The following RGS6 variants were observed in gnomAD, a reference collection of about 807,000 sequenced individuals.
RGS6 encodes regulator of G-protein signaling 6.
Under a neutral mutation model 78.5 loss-of-function variants are expected in RGS6, and 30 were observed. The ratio of observed to expected loss-of-function variants is 0.38; its 90% CI spans 0.29 to 0.52. RGS6 has a LOEUF of 0.52. RGS6 is among the 20% of genes least tolerant of loss of function. The pLI is 0.85. For synonymous variants in RGS6, 206 were observed against 206.0 expected (o/e 1.00, Z 0.00); for missense variants, 495 against 609.7 (o/e 0.81, Z 1.98).
chr14:72,149,760 C>T (rs1567316097), intron 2 of RGS6, among the ~76,000 whole-genome samples: 1 of 152,150 alleles, frequency 6.6e-6, no homozygotes. Context: ...GGTGTCTAGT[C>T]TACAGATTTG....
At chr14:72,264,934 C>A (rs2058782565) in intron 2 of RGS6, among the ~76,000 whole-genome samples, 1 of 152,172 alleles carries the variant, frequency 6.6e-6, no homozygotes, top group Non-Finnish European at 1.5e-5. Flanking sequence ...TGGTGCTTGG[C>A]AGCTGTCCAG....
intron 2 of RGS6, among the ~76,000 whole-genome samples, chr14:72,207,745 A>C (rs543701545): frequency 2.6e-5 from 4 of 152,174 alleles, no homozygotes; most frequent in South Asian, 4.2e-4. Context: ...CACTTCTTCC[A>C]TCTCTTGTTT....
At chr14:71,930,753 C>T (rs570323164), upstream of RGS6, among the ~76,000 whole-genome samples, 344 of 151,712 alleles carry the variant, frequency 2.3e-3, 1 homozygote, top group Non-Finnish European at 3.3e-3. Context: ...GTGGCCAAGG[C>T]GGGTGGATCA....
At chr14:72,538,036 A>T (rs1009861115) in intron 16 of RGS6, among the ~76,000 whole-genome samples, 3 of 152,212 alleles carry the variant, frequency 2.0e-5, no homozygotes, top group African/African-American at 7.2e-5. Context: ...GAAGTAAGGG[A>T]TGTTCTTGAG....
chr14:72,228,370 G>T (rs1459189656), intron 2 of RGS6, among the ~76,000 whole-genome samples: 1 of 151,370 alleles, frequency 6.6e-6, no homozygotes, highest in Non-Finnish European at 1.5e-5. Context: ...AACAGAGCGA[G>T]ACTCTGTCTC....
chr14:72,312,134 TCA>T (rs2068772713), intron 2 of RGS6, among the ~76,000 whole-genome samples: 1 of 151,960 alleles, frequency 6.6e-6, no homozygotes, highest in Admixed American at 6.6e-5. Context: ...ATCGCTCCCC[TCA>T]GAGTTTCTGC....
chr14:71,922,796 T>C, the RGS6 span, among the ~76,000 whole-genome samples: 2 of 152,168 alleles, frequency 1.3e-5, no homozygotes, highest in South Asian at 4.1e-4. Context: ...TTTTGTAGAC[T>C]GTACCATGCT....
At chr14:72,430,583 G>A (rs1293339993) in intron 3 of RGS6, among the ~76,000 whole-genome samples, 1 of 152,184 alleles carries the variant, frequency 6.6e-6, no homozygotes, top group African/African-American at 2.4e-5. Flanking sequence ...GTCCTCAGTT[G>A]TACTCAGCAA....
chr14:72,032,930 C>T (rs1049174003), intron 2 of RGS6, among the ~76,000 whole-genome samples: 5 of 152,136 alleles, frequency 3.3e-5, no homozygotes, highest in African/African-American at 1.2e-4. Context: ...GTGCACTTAT[C>T]TCTTCATGAT....
At position 72,251,095 on chromosome 14, in the gene RGS6, G is replaced by A. The variant is rs372017258; in HGVS notation, c.85-101000G>A. Among the ~76,000 whole-genome samples, 4 of 152,300 alleles carry A rather than the reference G, an allele frequency of 2.6e-5. No homozygotes were observed. In the East Asian group the frequency reaches 7.7e-4, roughly 29 times the overall value. On this transcript the variant is annotated intron_variant, in intron 2 of 17. Coordinates refer to ENST00000553525, the MANE Select transcript of RGS6 (RefSeq NM_001204424.2). ...TTAGTAGTAAATGCTTTTTAAGAGA[G>A]CTTAATGGACCCAAAGAGGAAACAA...
chr14:72,058,830 G>A (rs1411107268), intron 2 of RGS6, among the ~76,000 whole-genome samples: 4 of 152,182 alleles, frequency 2.6e-5, no homozygotes, highest in Non-Finnish European at 5.9e-5. Context: ...CTACATCCAA[G>A]AATGCTATTA....
chr14:72,479,728 C>T (rs1011384471), intron 12 of RGS6, among the ~76,000 whole-genome samples: 2 of 152,200 alleles, frequency 1.3e-5, no homozygotes, highest in Admixed American at 6.5e-5. Context: ...GAGTACCAGG[C>T]TCTGAAAATG....
At chr14:72,137,407 A>T (rs762206271) in intron 2 of RGS6, among the ~76,000 whole-genome samples, 1 of 152,182 alleles carries the variant, frequency 6.6e-6, no homozygotes, top group African/African-American at 2.4e-5. Context: ...CGGTTCTAAC[A>T]CTGTCTACCT....
chr14:71,978,249 T>A (rs1294954578), intron 2 of RGS6, among the ~76,000 whole-genome samples: 1 of 132,870 alleles, frequency 7.5e-6, no homozygotes, highest in African/African-American at 2.7e-5. Flanking sequence ...TTGAATACCC[T>A]TTATTTCCTT....
chr14:72,483,743 C>T (rs969116288), intron 12 of RGS6, among the ~76,000 whole-genome samples: 2 of 152,096 alleles, frequency 1.3e-5, no homozygotes, highest in East Asian at 3.9e-4. Flanking sequence ...GGTATCATTA[C>T]AGCCAGGGTG....
chr14:71,890,922 C>T, the RGS6 span, among the ~76,000 whole-genome samples: 2 of 152,136 alleles, frequency 1.3e-5, no homozygotes, highest in African/African-American at 2.4e-5. Context: ...TTTGAGGAAA[C>T]ATTTTAGTAC....
chr14:72,595,959 A>T, the RGS6 span, among the ~76,000 whole-genome samples: 2 of 152,186 alleles, frequency 1.3e-5, no homozygotes, highest in Non-Finnish European at 2.9e-5. Context: ...TAAAACATTC[A>T]TGTGAGGAGC....
At chr14:72,038,295 T>C (rs1224340241) in intron 2 of RGS6, among the ~76,000 whole-genome samples, 1 of 152,168 alleles carries the variant, frequency 6.6e-6, no homozygotes, top group East Asian at 1.9e-4. Context: ...TCAATTACTT[T>C]AGCTTTATAG....
chr14:72,163,127 G>A (rs940562401), intron 2 of RGS6, among the ~76,000 whole-genome samples: 7 of 151,894 alleles, frequency 4.6e-5, no homozygotes, highest in African/African-American at 9.7e-5. Flanking sequence ...GATGCACCAC[G>A]GTCTCACAAA....
Sources: gnomAD v4.1 joint callset for allele counts (sites outside exome capture counted in the v4.1 genomes callset) on GRCh38, gnomAD v4.1.1 for gene constraint, MANE v1.5 for transcripts, NCBI Gene and HGNC (gene_info 2026-07-23, HGNC 2026-07-21) for gene names.